DLG5: variants seen among roughly 807,000 people sequenced by gnomAD.
DLG5 encodes discs large MAGUK scaffold protein 5, also known as disks large homolog 5.
A neutral mutation model predicts 189.8 loss-of-function variants in DLG5; 48 were observed. That is an observed-to-expected ratio of 0.25 (90% CI 0.20 to 0.32). The LOEUF is 0.32. DLG5 is among the 10% of genes least tolerant of loss of function. DLG5 has a pLI of 1.00. For missense variants in DLG5, 2,160 were observed against 2,544.7 expected (o/e 0.85, Z 3.25); for synonymous variants, 1,016 against 1,054.1 (o/e 0.96, Z 0.70).
At chr10:77,798,648 C>G (rs931556109) in intron 27 of DLG5, among the ~76,000 whole-genome samples, 1 of 152,204 alleles carries the variant, frequency 6.6e-6, no homozygotes, top group Non-Finnish European at 1.5e-5. Flanking sequence ...GGCTGTGTTT[C>G]TGGGAGGCAT....
intron 9 of DLG5, among the ~76,000 whole-genome samples, chr10:77,831,813 A>T (rs1451453926): frequency 1.3e-5 from 2 of 152,248 alleles, no homozygotes; most frequent in Non-Finnish European, 2.9e-5. Context: ...TGAAATGCAA[A>T]CTGACAGAAG....
chr10:77,867,842 T>C (rs767102610), intron 2 of DLG5: 40 of 436,162 alleles, frequency 9.2e-5, no homozygotes, highest in Non-Finnish European at 1.7e-4. Flanking sequence ...AAATAGTCTT[T>C]ACAGATGATC....
chr10:77,815,779 ATAAAAG>A (rs1842021315), intron 20 of DLG5, among the ~76,000 whole-genome samples: 1 of 152,248 alleles, frequency 6.6e-6, no homozygotes, highest in South Asian at 2.1e-4. Context: ...TGGTGATTAA[ATAAAAG>A]TAAGTTTATC....
Position 77,842,194 on chromosome 10 carries a change from CTGGCAAGAGAGG to C in DLG5, c.1125-13_1125-2del. ...CAGCTCATGGTGGATCGCCTCAAAC[CTGGCAAGAGAGG>C]TGGCGAGATGTGGGAAGGGCGGGGG... On this transcript the variant is annotated splice_acceptor_variant and splice_polypyrimidine_tract_variant and intron_variant, in intron 6 of 31. Transcript: ENST00000372391. LOFTEE classifies it high-confidence loss of function. 1 of 1,599,444 alleles carries C rather than the reference CTGGCAAGAGAGG, an allele frequency of 6.3e-7. No homozygotes were observed. Among genetic ancestry groups the C allele is most frequent in the Non-Finnish European group, 8.5e-7 (1 of 1,177,838 alleles).
chr10:77,917,509 T>G, intron 1 of DLG5, among the ~76,000 whole-genome samples: 1 of 123,130 alleles, frequency 8.1e-6, no homozygotes. Flanking sequence ...AGCAACAGAG[T>G]GAGACTCCAT....
chr10:77,916,418 G>A (rs552518313), intron 1 of DLG5, among the ~76,000 whole-genome samples: 1 of 151,664 alleles, frequency 6.6e-6, no homozygotes, highest in Non-Finnish European at 1.5e-5. Context: ...AGCCTCCCAA[G>A]TAGCTGGGAT....
intron 1 of DLG5, among the ~76,000 whole-genome samples, chr10:77,923,077 T>G (rs964530380): frequency 1.3e-5 from 2 of 152,134 alleles, no homozygotes; most frequent in African/African-American, 4.8e-5. Context: ...CCACACAGGG[T>G]GTGGAATCCA....
At chr10:77,895,128 C>G (rs1045365862) in intron 1 of DLG5, among the ~76,000 whole-genome samples, 6 of 152,238 alleles carry the variant, frequency 3.9e-5, no homozygotes, top group African/African-American at 1.4e-4. Context: ...CAGCCCCAGG[C>G]TGCTTCCCAT....
chr10:77,859,702 C>T (rs929648847), intron 2 of DLG5, among the ~76,000 whole-genome samples: 1 of 152,196 alleles, frequency 6.6e-6, no homozygotes, highest in African/African-American at 2.4e-5. Flanking sequence ...CAAATGACAA[C>T]GCATTTCTCA....
intron 8 of DLG5, among the ~76,000 whole-genome samples, chr10:77,834,545 ATCTCTG>A (rs1468290269): frequency 1.3e-5 from 2 of 152,150 alleles, no homozygotes; most frequent in African/African-American, 2.4e-5. Flanking sequence ...GTCCTCATGC[ATCTCTG>A]TCTCTATTAG....
chr10:77,870,769 T>G, intron 1 of DLG5, among the ~76,000 whole-genome samples: 1 of 145,350 alleles, frequency 6.9e-6, no homozygotes, highest in African/African-American at 2.6e-5. Context: ...AGAGGAGAAA[T>G]GAAGAAATGG....
rs778617584 is a variant in DLG5, at chr10:77,821,956, T to G, written c.2528A>C (p.Gln843Pro). 6.2e-7 allele frequency: 1 copy of G among 1,614,258 alleles called. No homozygotes were observed. The highest frequency in any genetic ancestry group is 2.2e-5 in the East Asian group (1 of 44,880). The change falls in exon 15 of 32, where the codon CAG becomes CCG. Residue 843 changes from glutamine to proline, a missense_variant. By Grantham distance (76) the Gln-to-Pro change is moderately conservative. This residue lies in a region of DLG5 where 754 missense variants were observed against 746.5 expected (regional missense o/e 1.01). Transcript: ENST00000372391. ...RNLIQHNNST[Q>P]TDIFYTDRLE... ...CCTGTCCGTGTAGAAGATGTCTGTC[T>G]GCGTGGAGTTATTGTGCTGTATCAA...
intron 27 of DLG5, among the ~76,000 whole-genome samples, chr10:77,804,212 C>T (rs1841359813): frequency 6.6e-6 from 1 of 152,070 alleles, no homozygotes; most frequent in South Asian, 2.1e-4. Flanking sequence ...CTATAAGGGG[C>T]AAGATAGTAA....
chr10:77,824,269 A>G (rs1842506539), intron 14 of DLG5, 115 bp downstream of exon 14: 5 of 766,082 alleles, frequency 6.5e-6, no homozygotes, highest in Non-Finnish European at 1.1e-5. Flanking sequence ...TGCACTCAGT[A>G]AATGCCCACC....
intron 2 of DLG5, among the ~76,000 whole-genome samples, chr10:77,860,303 T>C (rs1589227506): frequency 1.3e-5 from 2 of 152,080 alleles, no homozygotes; most frequent in East Asian, 3.9e-4. Context: ...TTTTGGTTGG[T>C]TTTGTTTTTT....
At chr10:77,911,510 T>C (rs1846220247) in intron 1 of DLG5, among the ~76,000 whole-genome samples, 1 of 152,182 alleles carries the variant, frequency 6.6e-6, no homozygotes, top group African/African-American at 2.4e-5. Flanking sequence ...TTCCTCAATA[T>C]TGGCTGGAAA....
chr10:77,926,354 A>G lies in DLG5; in HGVS notation c.167T>C (p.Leu56Pro), dbSNP rs765756923. The G allele has an allele frequency of 1.2e-6, 2 of 1,602,510 alleles. No individual in the cohort carries two copies. Among genetic ancestry groups the G allele is most frequent in the Non-Finnish European group, 1.7e-6 (2 of 1,176,076 alleles). Residue 56 changes from leucine to proline, a missense_variant, in exon 1 of 32, where the codon CTG becomes CCG. Coordinates refer to ENST00000372391, the MANE Select transcript of DLG5 (RefSeq NM_004747.4). The surrounding 1 kb of genome is among the most constrained non-coding windows in gnomAD (Gnocchi z 5.2). ...EEAGGAKAEL[L>P]LKLLLAKERD... ...CTCCTTGGCCAAGAGCAGCTTGAGC[A>G]GCAGCTCCGCCTTGGCGCCTCCCGC...
Position 77,812,215 on chromosome 10 carries a change from C to T in DLG5, c.4188G>A (p.Glu1396=). The T allele has an allele frequency of 6.2e-7, 1 of 1,611,928 alleles. No individual in the cohort carries two copies. Among genetic ancestry groups the T allele is most frequent in the Non-Finnish European group, 8.5e-7 (1 of 1,178,352 alleles). The part of the protein sequence containing the change: ...AGLEYGDQLL[E]FNGINLRSAT... ...ATGCAGGAGGGCAGCTCCCTCTCAC[C>T]TCCAGTAACTGATCCCCATACTCGA... is the stretch of plus-strand genomic sequence containing the variant. The change falls in exon 21 of 32, where the codon GAG becomes GAA. Residue 1396 remains glutamate (E), a splice_region_variant and synonymous_variant. Coordinates refer to ENST00000372391, the MANE Select transcript of DLG5 (RefSeq NM_004747.4).
upstream of DLG5, chr10:77,926,885 C>G (rs1429690026): frequency 3.0e-6 from 1 of 333,678 alleles, no homozygotes; most frequent in African/African-American, 2.2e-5. This position sits in a 1 kb window ranked among gnomAD's most constrained non-coding sequence, Gnocchi z 5.2. Context: ...CGCGCGCCGC[C>G]CGCCCCGCGA....
Sources: allele counts gnomAD v4.1 joint callset (sites outside exome capture counted in the v4.1 genomes callset), GRCh38; gene constraint gnomAD v4.1.1; regional missense constraint gnomAD v4.1.1; non-coding constraint Gnocchi (gnomAD v3.1); transcripts MANE v1.5; gene names NCBI Gene and HGNC (gene_info 2026-07-23, HGNC 2026-07-21).